ANXA11: variants seen among roughly 807,000 people sequenced by gnomAD.
The protein encoded by ANXA11 is annexin A11, also known as 56 kDa autoantigen.
A neutral mutation model predicts 64.7 loss-of-function variants in ANXA11; 57 were observed. That is an observed-to-expected ratio of 0.88 (90% CI 0.71 to 1.10). The LOEUF (loss-of-function observed/expected upper bound fraction) is 1.10. Among genes scored for constraint, ANXA11 ranks in the 50% least tolerant of loss-of-function variants. The pLI, the probability that ANXA11 is intolerant of heterozygous loss-of-function variation, is 0.00. For missense variants in ANXA11, 675 were observed against 670.7 expected (o/e 1.01, Z -0.07); for synonymous variants, 260 against 265.2 (o/e 0.98, Z 0.19).
intron 1 of ANXA11, among the ~76,000 whole-genome samples, chr10:80,178,842 C>T (rs982618973): frequency 6.6e-6 from 1 of 152,182 alleles, no homozygotes; most frequent in Non-Finnish European, 1.5e-5. Context: ...ATATTCTGGG[C>T]CTTCTAACCT....
intron 15 of ANXA11, 134 bp from the exon 16 acceptor site, chr10:80,156,046 T>TC: frequency 1.2e-6 from 1 of 846,610 alleles, no homozygotes; most frequent in Non-Finnish European, 1.9e-6. Context: ...CCACTGCAGG[T>TC]CCTGCAGCAG....
intron 1 of ANXA11, among the ~76,000 whole-genome samples, chr10:80,181,967 C>T (rs1406320032): frequency 6.6e-6 from 1 of 152,220 alleles, no homozygotes; most frequent in Non-Finnish European, 1.5e-5. Context: ...ACTTCTGCCG[C>T]ACACAAAACC....
At position 80,188,936 on chromosome 10, in the gene ANXA11, G is replaced by A. The variant is rs553654642; in HGVS notation, c.-57-12781C>T. On this transcript the variant is annotated intron_variant, in intron 1 of 15. Transcript: ENST00000422982. ...GTGTCCAGCCAACCCTTAGGGTCCC[G>A]GGGCCTCAGGAAAATGCTGGTAAGG... Among the ~76,000 whole-genome samples, 6 of 152,188 alleles carry A rather than the reference G, an allele frequency of 3.9e-5. No homozygotes were observed. In the South Asian group the frequency reaches 1.0e-3, roughly 26 times the overall value.
intron 1 of ANXA11, among the ~76,000 whole-genome samples, chr10:80,185,255 G>A (rs376574598): frequency 7.2e-5 from 11 of 152,274 alleles, no homozygotes; most frequent in African/African-American, 2.4e-4. Flanking sequence ...AGATCTAACC[G>A]GGATGCCCAG....
At chr10:80,195,123 T>C (rs1286171979) in intron 1 of ANXA11, among the ~76,000 whole-genome samples, 1 of 152,174 alleles carries the variant, frequency 6.6e-6, no homozygotes, top group Non-Finnish European at 1.5e-5. Flanking sequence ...CTGATGCCCA[T>C]CAGCCAGTCC....
chr10:80,173,796 C>T (rs553448576), intron 2 of ANXA11, among the ~76,000 whole-genome samples: 9 of 152,196 alleles, frequency 5.9e-5, no homozygotes, highest in East Asian at 1.9e-4. Context: ...CTGCTCGTCT[C>T]GAGTATGTGG....
chr10:80,164,169 C>A, intron 8 of ANXA11, 26 bp from the exon 9 acceptor site: 1 of 1,590,270 alleles, frequency 6.3e-7, no homozygotes, highest in Admixed American at 1.7e-5. Context: ...ATACAACCAA[C>A]CATGTGCTTG....
chr10:80,199,242 C>T (rs1050942660), intron 1 of ANXA11, among the ~76,000 whole-genome samples: 3 of 151,866 alleles, frequency 2.0e-5, no homozygotes, highest in African/African-American at 4.8e-5. Context: ...GGACTATAGG[C>T]GCCCGCTACC....
chr10:80,157,828 C>G (rs867506376), intron 14 of ANXA11, 65 bp from the exon 15 acceptor site: 8 of 1,590,186 alleles, frequency 5.0e-6, no homozygotes, highest in Middle Eastern at 1.7e-4. Flanking sequence ...GCCCTGGGCC[C>G]TCCAGTCCCC....
intron 1 of ANXA11, among the ~76,000 whole-genome samples, chr10:80,204,279 T>A (rs1197379507): frequency 6.6e-6 from 1 of 152,198 alleles, no homozygotes; most frequent in African/African-American, 2.4e-5. Context: ...GCACAAAGAA[T>A]GCCTTGAGGA....
chr10:80,182,749 G>A (rs185060036), intron 1 of ANXA11, among the ~76,000 whole-genome samples: 8 of 152,246 alleles, frequency 5.3e-5, no homozygotes, highest in East Asian at 3.9e-4. Flanking sequence ...AGAAACTGAC[G>A]CATCTGCAAA....
chr10:80,164,793 T>C (rs748920152), intron 8 of ANXA11, among the ~76,000 whole-genome samples: 8 of 152,210 alleles, frequency 5.3e-5, no homozygotes, highest in Non-Finnish European at 1.0e-4. Context: ...GGAGTGATAC[T>C]AGGACCTACC....
chr10:80,157,968 C>T lies in ANXA11; in HGVS notation c.1334G>A (p.Arg445Lys). 6 of 1,613,978 alleles carry T rather than the reference C, an allele frequency of 3.7e-6. No homozygotes were observed. Among genetic ancestry groups the T allele is most frequent in the Non-Finnish European group, 5.1e-6 (6 of 1,179,870 alleles). ...AACCTGCACATGGAAGTTACATACCCTCATGGCCTTGTTGAGCCTCTCCGC... is the reference window on the plus strand; with the variant it reads ...AACCTGCACATGGAAGTTACATACCTTCATGGCCTTGTTGAGCCTCTCCGC... Reference protein sequence around the residue: ...FFAERLNKAMRGAGTKDRTLI... With the variant: ...FFAERLNKAMKGAGTKDRTLI... Residue 445 changes from arginine (R) to lysine (K), a missense_variant and splice_region_variant, in exon 14 of 16, where the codon AGG (arginine) becomes AAG (lysine). Physicochemically the swap from Arg to Lys is conservative, Grantham distance 26. Transcript: ENST00000422982.
At chr10:80,190,965 C>T (rs1015159101) in intron 1 of ANXA11, among the ~76,000 whole-genome samples, 29 of 151,922 alleles carry the variant, frequency 1.9e-4, no homozygotes, top group African/African-American at 6.3e-4. Flanking sequence ...GAGACTCATG[C>T]CTATAATCCA....
chr10:80,197,278 A>T (rs1036142869), intron 1 of ANXA11, among the ~76,000 whole-genome samples: 2 of 152,198 alleles, frequency 1.3e-5, no homozygotes, highest in East Asian at 3.8e-4. Flanking sequence ...AGGCTGGAGA[A>T]TGGACTTGAG....
At position 80,171,646 on chromosome 10, in the gene ANXA11, C is replaced by T. The variant is rs11201965; in HGVS notation, c.56-731G>A. On this transcript the variant is annotated intron_variant, in intron 3 of 15. Transcript: ENST00000422982. ...CTCAGCTGGGTGCCCGATGGGCATT[C>T]GACATCATCATGGGGCCTCTGGCCT... is the stretch of plus-strand genomic sequence containing the variant. 3.5e-3 allele frequency: 3,417 copies of T among 985,538 alleles called. 88 individuals are homozygous for T. The African/African-American group carries it at 0.054, about 16-fold the overall frequency. 61.0% of individuals were successfully genotyped at this position (985,538 alleles called of 1,614,324 possible).
intron 1 of ANXA11, among the ~76,000 whole-genome samples, chr10:80,185,881 A>T (rs1289516682): frequency 6.6e-6 from 1 of 152,260 alleles, no homozygotes; most frequent in Non-Finnish European, 1.5e-5. Flanking sequence ...AGAGCTTTAG[A>T]AACACTGGTA....
chr10:80,167,231 C>T lies in ANXA11; in HGVS notation c.644G>A (p.Gly215Asp), dbSNP rs758009574. 3.1e-6 allele frequency: 5 copies of T among 1,614,066 alleles called. No individual in the cohort carries two copies. The South Asian group carries it at 5.5e-5, about 18-fold the overall frequency. The change falls in exon 6 of 16, where the codon GGC (glycine) becomes GAC (aspartate). Residue 215 changes from glycine (G) to aspartate (D), a missense_variant. Coordinates refer to ENST00000422982, the MANE Select transcript of ANXA11 (RefSeq NM_145868.2). Reference sequence around the variant, plus strand: ...AGCCACCCAGGGTCTCTTACCGAAGCCTTTCATGGCCTTCCGCAGGACCTC... The same window carrying T: ...AGCCACCCAGGGTCTCTTACCGAAGTCTTTCATGGCCTTCCGCAGGACCTC... ...DAEVLRKAMKGFGTDEQAIID... is the reference protein window; with the variant it reads ...DAEVLRKAMKDFGTDEQAIID...
At chr10:80,195,147 A>G (rs1298923779) in intron 1 of ANXA11, among the ~76,000 whole-genome samples, 2 of 152,208 alleles carry the variant, frequency 1.3e-5, no homozygotes, top group Non-Finnish European at 2.9e-5. Flanking sequence ...GGGCCTGTTC[A>G]AACCACTCTG....
Sources: gnomAD v4.1 joint callset for allele counts (sites outside exome capture counted in the v4.1 genomes callset) on GRCh38, gnomAD v4.1.1 for gene constraint, MANE v1.5 for transcripts, NCBI Gene and HGNC (gene_info 2026-07-23, HGNC 2026-07-21) for gene names.